DYRK1A: variants seen among roughly 807,000 people sequenced by gnomAD.
The protein encoded by DYRK1A is dual specificity tyrosine-phosphorylation-regulated kinase 1A.
In DYRK1A, 9 loss-of-function variants were observed where a neutral mutation model predicts 79.7. The ratio of observed to expected loss-of-function variants is 0.11; its 90% CI spans 0.07 to 0.20. DYRK1A has a LOEUF of 0.20. Among genes scored for constraint, DYRK1A ranks in the 10% least tolerant of loss-of-function variants. The pLI is 1.00. For synonymous variants in DYRK1A, 349 were observed against 329.7 expected (o/e 1.06, Z -0.63); for missense variants, 622 against 956.0 (o/e 0.65, Z 4.61).
intron 1 of DYRK1A, among the ~76,000 whole-genome samples, chr21:37,368,479 C>T (rs1233218928): frequency 6.6e-6 from 1 of 152,192 alleles, no homozygotes; most frequent in Non-Finnish European, 1.5e-5. Flanking sequence ...CTTGCCTGTG[C>T]CTTTCGCCCA....
chr21:37,376,488 T>C (rs9636921), intron 1 of DYRK1A, among the ~76,000 whole-genome samples: 82,947 of 151,794 alleles, frequency 0.55, 23,196 homozygotes, highest in African/African-American at 0.67. Flanking sequence ...GAGTGAGACT[T>C]CGTCTCAATT....
chr21:37,384,611 A>G (rs1410012602), intron 1 of DYRK1A, among the ~76,000 whole-genome samples: 3 of 152,220 alleles, frequency 2.0e-5, no homozygotes, highest in Non-Finnish European at 2.9e-5. Flanking sequence ...ATCATGTAAA[A>G]TGTCCAGCAT....
At chr21:37,426,898 C>G (rs1182823672) in intron 2 of DYRK1A, among the ~76,000 whole-genome samples, 8 of 133,390 alleles carry the variant, frequency 6.0e-5, no homozygotes, top group Non-Finnish European at 9.3e-5. Context: ...CCAGCTTGGG[C>G]TAAAGAGCGA....
intron 2 of DYRK1A, among the ~76,000 whole-genome samples, chr21:37,446,719 AG>A (rs1364552610): frequency 2.0e-5 from 3 of 152,160 alleles, no homozygotes; most frequent in Non-Finnish European, 4.4e-5. Flanking sequence ...GCCTTGGAAA[AG>A]GTCAGGGTCA....
chr21:37,446,892 C>T (rs1227210914), intron 2 of DYRK1A, among the ~76,000 whole-genome samples: 2 of 152,176 alleles, frequency 1.3e-5, no homozygotes, highest in African/African-American at 4.8e-5. Flanking sequence ...AGTTCTGCTC[C>T]TTTTGTGCTC....
chr21:37,441,927 ACCTTTTAGGTAT>A (rs1467546605), intron 2 of DYRK1A, among the ~76,000 whole-genome samples: 1 of 142,182 alleles, frequency 7.0e-6, no homozygotes, highest in Non-Finnish European at 1.5e-5. Context: ...GTATTCTTTC[ACCTTTTAGGTAT>A]CTGAAAATGC....
At chr21:37,399,704 T>C (rs1246463468) in intron 1 of DYRK1A, among the ~76,000 whole-genome samples, 2 of 152,168 alleles carry the variant, frequency 1.3e-5, no homozygotes, top group African/African-American at 2.4e-5. Flanking sequence ...TTACATTACA[T>C]GTCTTCCAGT....
intron 3 of DYRK1A, among the ~76,000 whole-genome samples, chr21:37,475,295 A>G (rs1453967022): frequency 6.6e-6 from 1 of 152,200 alleles, no homozygotes; most frequent in Non-Finnish European, 1.5e-5. Flanking sequence ...GGTCCTCTGA[A>G]CACCATGGAC....
intron 1 of DYRK1A, among the ~76,000 whole-genome samples, chr21:37,375,890 A>G (rs1217259619): frequency 2.0e-5 from 3 of 152,010 alleles, no homozygotes; most frequent in African/African-American, 7.2e-5. Context: ...CTGAAAACCC[A>G]TAGCCCTAAA....
At chr21:37,469,917 G>A (rs915969939) in intron 2 of DYRK1A, among the ~76,000 whole-genome samples, 14 of 152,096 alleles carry the variant, frequency 9.2e-5, no homozygotes, top group African/African-American at 4.8e-5. Context: ...AGGCTGAGGC[G>A]GGTGGATCAC....
intron 4 of DYRK1A, among the ~76,000 whole-genome samples, chr21:37,479,606 G>GGTTTTTTTTT (rs2052536883): frequency 3.6e-5 from 1 of 27,594 alleles, no homozygotes; most frequent in African/African-American, 1.5e-4. Flanking sequence ...TTTTGTTTTT[G>GGTTTTTTTTT]TTTTTGTTTT....
intron 2 of DYRK1A, among the ~76,000 whole-genome samples, chr21:37,454,637 G>A (rs1601141935): frequency 6.6e-6 from 1 of 151,958 alleles, no homozygotes; most frequent in African/African-American, 2.4e-5. Context: ...TGTACCTATT[G>A]GGTTAATGGA....
At chr21:37,491,942 G>A (rs2053111014) in intron 7 of DYRK1A, among the ~76,000 whole-genome samples, 1 of 152,158 alleles carries the variant, frequency 6.6e-6, no homozygotes, top group South Asian at 2.1e-4. Flanking sequence ...CAGTGGTCCT[G>A]CCCCTAGATC....
intron 5 of DYRK1A, 34 bp downstream of exon 5, chr21:37,480,860 TAGAA>T (rs773198365): frequency 1.4e-5 from 22 of 1,518,472 alleles, no homozygotes; most frequent in East Asian, 1.4e-4. Context: ...TTTCATTAGT[TAGAA>T]AGAACTTCTT....
At position 37,505,387 on chromosome 21, in the gene DYRK1A, C is replaced by T. The variant is rs752668002; in HGVS notation, c.1317C>T (p.Asp439=). 1 of 1,614,082 alleles carries T rather than the reference C, an allele frequency of 6.2e-7. No individual in the cohort carries two copies. The highest frequency in any genetic ancestry group is 1.3e-5 in the African/African-American group (1 of 74,924). Residue 439 remains aspartate, a synonymous_variant, in exon 10 of 12, where the codon GAC becomes GAT. Transcript: ENST00000647188. ...GGGAGTCAGGTCATACGGTCGCTGA[C>T]TACTTGAAGTTCAAAGACCTCATTT... ...RAGESGHTVA[D]YLKFKDLILR...
chr21:37,498,933 A>C (rs1443437269), intron 9 of DYRK1A, among the ~76,000 whole-genome samples: 2 of 151,984 alleles, frequency 1.3e-5, no homozygotes, highest in African/African-American at 4.8e-5. Flanking sequence ...TTAGCCTTTC[A>C]TACATATTCT....
intron 2 of DYRK1A, among the ~76,000 whole-genome samples, chr21:37,461,107 G>T (rs1192620636): frequency 6.6e-6 from 1 of 152,138 alleles, no homozygotes; most frequent in Non-Finnish European, 1.5e-5. Flanking sequence ...TAGTTGTTGA[G>T]GATAGTACAG....
At chr21:37,453,526 A>G (rs1419593745) in intron 2 of DYRK1A, among the ~76,000 whole-genome samples, 1 of 152,180 alleles carries the variant, frequency 6.6e-6, no homozygotes. Flanking sequence ...GGCGGAGATA[A>G]CAGAAGTCAG....
At position 37,366,952 on chromosome 21, in the gene DYRK1A, CAG is replaced by C. The variant is rs1012520804; in HGVS notation, c.-748_-747del. The C allele has an allele frequency of 1.9e-5, 3 of 157,774 alleles. No homozygotes were observed. Among genetic ancestry groups the C allele is most frequent in the Non-Finnish European group, 4.2e-5 (3 of 71,090 alleles). 9.8% of individuals were successfully genotyped at this position (157,774 alleles called of 1,614,324 possible). Reference sequence around the variant, plus strand: ...TGCTGATCGCGGCCCAGGTCGGCCTCAGAGAGCGGACACCCCGAGCGGGGGGT... The same window carrying C: ...TGCTGATCGCGGCCCAGGTCGGCCTCAGAGCGGACACCCCGAGCGGGGGGT... On this transcript the variant is annotated 5_prime_UTR_variant, in exon 1 of 12. Coordinates refer to ENST00000647188, the MANE Select transcript of DYRK1A (RefSeq NM_001347721.2).
Sources: allele counts gnomAD v4.1 joint callset (sites outside exome capture counted in the v4.1 genomes callset), GRCh38; gene constraint gnomAD v4.1.1; transcripts MANE v1.5; gene names NCBI Gene and HGNC (gene_info 2026-07-23, HGNC 2026-07-21).